Variants in PCGF6 observed in about 807,000 individuals in gnomAD.
The protein encoded by PCGF6 is polycomb group ring finger 6, also known as polycomb group RING finger protein 6.
A neutral mutation model predicts 45.5 loss-of-function variants in PCGF6; 24 were observed. The ratio of observed to expected loss-of-function variants is 0.53; its 90% CI spans 0.38 to 0.74. PCGF6 has a LOEUF of 0.74. Ranked by LOEUF, PCGF6 falls within the 30% of genes least tolerant of loss-of-function variation. The pLI is 0.00. For synonymous variants in PCGF6, 152 were observed against 162.1 expected, an observed-to-expected ratio of 0.94 and a Z score of 0.47; for missense variants, 356 against 443.2, an observed-to-expected ratio of 0.80 and a Z score of 1.77.
Position 103,311,276 on chromosome 10 carries a change from G to A in PCGF6, c.996+2910C>T, listed in dbSNP as rs945504384. On this transcript the variant is annotated intron_variant, in intron 9 of 9. Transcript: ENST00000369847. The stretch of plus-strand genomic sequence containing the variant: ...CCTGCCTCAGCCTCCCGAGTAGCTG[G>A]GATTACAGGCACCTGCCACCACGCC... Among the ~76,000 whole-genome samples, 9 of 151,964 alleles carry A rather than the reference G, an allele frequency of 5.9e-5. No individual in the cohort carries two copies. In the East Asian group the frequency reaches 1.7e-3, roughly 29 times the overall value.
intron 9 of PCGF6, among the ~76,000 whole-genome samples, chr10:103,304,541 A>G (rs1315732815): frequency 1.3e-5 from 2 of 151,866 alleles, no homozygotes; most frequent in African/African-American, 4.8e-5. Flanking sequence ...GGGTTTTGCC[A>G]TGTTGGCCAG....
In PCGF6 at chr10:103,334,646, G is replaced by C. The variant is rs1468077661; in HGVS notation, c.783-694C>G. Among the ~76,000 whole-genome samples, 4 of 152,086 alleles carry C rather than the reference G, an allele frequency of 2.6e-5. No individual in the cohort carries two copies. The East Asian group carries it at 7.7e-4, about 29-fold the overall frequency. ...TATGCTTCCTATTGCTTTTTTTGCAGAATAATTACCTGGACATAATTTTAC... is the reference window on the plus strand; with the variant it reads ...TATGCTTCCTATTGCTTTTTTTGCACAATAATTACCTGGACATAATTTTAC... On this transcript the variant is annotated intron_variant, in intron 6 of 9. Coordinates refer to ENST00000369847, the MANE Select transcript of PCGF6 (RefSeq NM_001011663.2).
intron 9 of PCGF6, among the ~76,000 whole-genome samples, chr10:103,308,980 T>C (rs2093147228): frequency 6.6e-6 from 1 of 152,180 alleles, no homozygotes; most frequent in African/African-American, 2.4e-5. Flanking sequence ...ATTTCTCCCT[T>C]TTGGAATGAG....
chr10:103,306,245 G>A (rs1206676602), intron 9 of PCGF6, among the ~76,000 whole-genome samples: 12 of 151,900 alleles, frequency 7.9e-5, no homozygotes, highest in Admixed American at 6.6e-5. Flanking sequence ...TTACAGGCAG[G>A]CGTCAACACC....
At chr10:103,328,535 T>C (rs2093227660) in intron 7 of PCGF6, among the ~76,000 whole-genome samples, 1 of 152,134 alleles carries the variant, frequency 6.6e-6, no homozygotes, top group African/African-American at 2.4e-5. Flanking sequence ...TAGTGAGTCT[T>C]TGGGCAAGTT....
chr10:103,306,088 C>CA (rs5787487), intron 9 of PCGF6, among the ~76,000 whole-genome samples: 68,354 of 150,208 alleles, frequency 0.46, 15,723 homozygotes, highest in South Asian at 0.64. Flanking sequence ...AGGCTGCATC[C>CA]GCAAGCAATC....
chr10:103,324,798 T>C (rs536198869), intron 8 of PCGF6, among the ~76,000 whole-genome samples: 1 of 129,892 alleles, frequency 7.7e-6, no homozygotes, highest in South Asian at 2.4e-4. Context: ...AAAGAAAATA[T>C]TACATAGCTA....
rs2093271373 is a variant in PCGF6, at chr10:103,339,718, AGACTGAG to A, written c.782+5299_782+5305del. Among the ~76,000 whole-genome samples, 23 of 149,500 alleles carry A rather than the reference AGACTGAG, an allele frequency of 1.5e-4. No individual in the cohort carries two copies. In the South Asian group the frequency reaches 4.7e-3, roughly 30 times the overall value. ...GGTGGCAGAATTGCTTGAAACCGGAAGACTGAGGACTGAGGTTGCAGTAAGCCAAGAT... is the reference window on the plus strand; with the variant it reads ...GGTGGCAGAATTGCTTGAAACCGGAAGACTGAGGTTGCAGTAAGCCAAGAT... On this transcript the variant is annotated intron_variant, in intron 6 of 9. Coordinates refer to ENST00000369847, the MANE Select transcript of PCGF6 (RefSeq NM_001011663.2).
At chr10:103,311,095 C>G (rs915099970) in intron 9 of PCGF6, among the ~76,000 whole-genome samples, 1 of 152,170 alleles carries the variant, frequency 6.6e-6, no homozygotes, top group Non-Finnish European at 1.5e-5. Flanking sequence ...CTTGGCCCCA[C>G]AAAATGTTGG....
rs998176108 is a variant in PCGF6, at chr10:103,351,081, C to T, written c.-15G>A. The T allele has an allele frequency of 7.4e-7, 1 of 1,359,658 alleles. No individual in the cohort carries two copies. Among genetic ancestry groups the T allele is most frequent in the East Asian group, 2.8e-5 (1 of 35,896 alleles). 84.2% of individuals were successfully genotyped at this position (1,359,658 alleles called of 1,614,324 possible). On this transcript the variant is annotated 5_prime_UTR_variant, in exon 1 of 10. In the 5' UTR this introduces an upstream ATG that the reference lacks. Coordinates refer to ENST00000369847, the MANE Select transcript of PCGF6 (RefSeq NM_001011663.2). Reference sequence around the variant, plus strand: ...ACCCCCTCCATGGTCGGGAGAGACACCAGGCGAGGCGAGGCGGCGGGAGAG... The same window carrying T: ...ACCCCCTCCATGGTCGGGAGAGACATCAGGCGAGGCGAGGCGGCGGGAGAG...
At chr10:103,341,401 C>T (rs1311464514) in intron 6 of PCGF6, among the ~76,000 whole-genome samples, 7 of 149,292 alleles carry the variant, frequency 4.7e-5, no homozygotes, top group African/African-American at 1.5e-4. Context: ...GGACTAAAGG[C>T]GCGCACCACC....
At chr10:103,318,836 A>G (rs1435856195) in intron 8 of PCGF6, among the ~76,000 whole-genome samples, 1 of 152,148 alleles carries the variant, frequency 6.6e-6, no homozygotes, top group African/African-American at 2.4e-5. Flanking sequence ...TTTTCACATT[A>G]GTGTAGGAAA....
chr10:103,322,052 C>T (rs1278764445), intron 8 of PCGF6, among the ~76,000 whole-genome samples: 1 of 151,876 alleles, frequency 6.6e-6, no homozygotes, highest in Non-Finnish European at 1.5e-5. Flanking sequence ...TGTGCCACCA[C>T]ACCCGGCTAA....
chr10:103,338,790 C>G (rs1309248967), intron 6 of PCGF6, among the ~76,000 whole-genome samples: 1 of 151,890 alleles, frequency 6.6e-6, no homozygotes, highest in Non-Finnish European at 1.5e-5. Context: ...ATCGCTTGAA[C>G]CCTAGAGGCA....
intron 7 of PCGF6, 91 bp from the exon 8 acceptor site, chr10:103,326,723 A>T: frequency 1.2e-6 from 1 of 856,416 alleles, no homozygotes; most frequent in Non-Finnish European, 1.7e-6. Flanking sequence ...TGTAAACATT[A>T]AAGAAAATTT....
chr10:103,342,995 C>T (rs1415721268), intron 6 of PCGF6, among the ~76,000 whole-genome samples: 4 of 152,108 alleles, frequency 2.6e-5, no homozygotes. Flanking sequence ...GTGGCACCAC[C>T]TCGGCTCACT....
Position 103,347,296 on chromosome 10 carries a change from T to C in PCGF6, c.615A>G (p.Arg205=). The change falls in exon 5 of 10, where the codon AGA becomes AGG. Residue 205 remains arginine, a splice_region_variant and synonymous_variant. Coordinates refer to ENST00000369847, the MANE Select transcript of PCGF6 (RefSeq NM_001011663.2). ...VYKLVINLEE[R]EKKQMHDFYK... The stretch of plus-strand genomic sequence containing the variant: ...AGAAATCATGCATTTGCTTTTTTTC[T>C]CCTAAAAAATGATAAAACACAGACT... 6.2e-7 allele frequency: 1 copy of C among 1,606,142 alleles called. No individual in the cohort carries two copies. The highest frequency in any genetic ancestry group is 8.5e-7 in the Non-Finnish European group (1 of 1,172,992).
At chr10:103,306,104 T>TC (rs2093137476) in intron 9 of PCGF6, among the ~76,000 whole-genome samples, 1 of 142,574 alleles carries the variant, frequency 7.0e-6, no homozygotes, top group African/African-American at 2.8e-5. Context: ...CAATCCACCT[T>TC]TTTTTTTTTT....
intron 8 of PCGF6, among the ~76,000 whole-genome samples, chr10:103,315,994 G>GTATATA (rs376306313): frequency 7.6e-6 from 1 of 131,920 alleles, no homozygotes; most frequent in East Asian, 2.2e-4. Context: ...GTGTGTGTGT[G>GTATATA]TATATATATA....
Sources: allele counts gnomAD v4.1 joint callset (sites outside exome capture counted in the v4.1 genomes callset), GRCh38; gene constraint gnomAD v4.1.1; transcripts MANE v1.5; gene names NCBI Gene and HGNC (gene_info 2026-07-23, HGNC 2026-07-21).